ROR2: variants seen among roughly 807,000 people sequenced by gnomAD.
ROR2 encodes tyrosine-protein kinase transmembrane receptor ROR2.
In ROR2, 33 loss-of-function variants were observed where a neutral mutation model predicts 74.9. That is an observed-to-expected ratio of 0.44 (90% confidence interval 0.33 to 0.59). ROR2 has a LOEUF of 0.59. ROR2 is among the 20% of genes least tolerant of loss of function. The pLI is 0.02. For synonymous variants in ROR2, 586 were observed against 558.7 expected (o/e 1.05, Z -0.69); for missense variants, 1,216 against 1,313.8 (o/e 0.93, Z 1.15).
intron 1 of ROR2, among the ~76,000 whole-genome samples, chr9:91,912,385 T>A (rs1831017331): frequency 6.6e-6 from 1 of 152,212 alleles, no homozygotes; most frequent in Admixed American, 6.5e-5. Flanking sequence ...AGAATTGTAA[T>A]GTTTCCCACA....
chr9:91,880,433 C>CA (rs1005516976), intron 1 of ROR2, among the ~76,000 whole-genome samples: 1 of 152,126 alleles, frequency 6.6e-6, no homozygotes, highest in Admixed American at 6.5e-5. Context: ...ATAGATATTC[C>CA]AAAGCAGGAT....
At chr9:91,930,137 T>A (rs1454426109) in intron 1 of ROR2, among the ~76,000 whole-genome samples, 3 of 152,132 alleles carry the variant, frequency 2.0e-5, no homozygotes, top group Non-Finnish European at 2.9e-5. Context: ...AAAGCAGAGA[T>A]TCTCAACTCT....
chr9:91,805,166 G>C (rs1411523813), intron 1 of ROR2, among the ~76,000 whole-genome samples: 1 of 152,200 alleles, frequency 6.6e-6, no homozygotes, highest in Non-Finnish European at 1.5e-5. Context: ...TGCACATAAG[G>C]TCATGCAGAA....
intron 1 of ROR2, among the ~76,000 whole-genome samples, chr9:91,907,683 A>G (rs1830855338): frequency 6.6e-6 from 1 of 152,172 alleles, no homozygotes; most frequent in Non-Finnish European, 1.5e-5. Context: ...TGGCTTCCCA[A>G]ATTCCTGAGA....
At chr9:91,946,558 T>C (rs1832018587) in intron 1 of ROR2, among the ~76,000 whole-genome samples, 1 of 152,240 alleles carries the variant, frequency 6.6e-6, no homozygotes, top group African/African-American at 2.4e-5. Flanking sequence ...GGAACCATTT[T>C]AGAAGATGGT....
intron 1 of ROR2, among the ~76,000 whole-genome samples, chr9:91,854,224 T>G (rs1341220665): frequency 1.3e-5 from 2 of 152,172 alleles, no homozygotes; most frequent in East Asian, 3.9e-4. Context: ...AGCAGGGGGA[T>G]GCACTGGCTC....
chr9:91,897,659 GGGCTGAGGACA>G (rs1385452528), intron 1 of ROR2, among the ~76,000 whole-genome samples: 1 of 152,138 alleles, frequency 6.6e-6, no homozygotes, highest in African/African-American at 2.4e-5. Context: ...GAAGACAGGT[GGGCTGAGGACA>G]GGCTTCCAGG....
intron 1 of ROR2, among the ~76,000 whole-genome samples, chr9:91,857,662 C>A (rs919413204): frequency 6.6e-6 from 1 of 152,066 alleles, no homozygotes; most frequent in African/African-American, 2.4e-5. Flanking sequence ...CGGAGGCAGG[C>A]CCCTGTCTTC....
chr9:91,844,223 T>TGCCTGGTGG (rs1442285899), intron 1 of ROR2, among the ~76,000 whole-genome samples: 3 of 152,218 alleles, frequency 2.0e-5, no homozygotes, highest in Non-Finnish European at 4.4e-5. Flanking sequence ...TTTAAACTGC[T>TGCCTGGTGG]GCCTGGTGGC....
At position 91,723,143 on chromosome 9, in the gene ROR2, A is replaced by AAT. The variant is rs1836856270; in HGVS notation, c.*517_*518dup. 6.2e-6 allele frequency: 1 copy of AAT among 160,386 alleles called. No homozygotes were observed. Among genetic ancestry groups the AAT allele is most frequent in the South Asian group, 1.9e-4 (1 of 5,352 alleles). The allele number at this position is 160,386 out of a possible 1,614,324, so 9.9% of individuals were successfully genotyped here. ...GCAGAGGGCAGCCTCCGTTCCAGCG[A>AAT]ATCTTTGGCTGCTAAAGGGAGAATA... On this transcript the variant is annotated 3_prime_UTR_variant, in exon 9 of 9. Transcript: ENST00000375708.
intron 1 of ROR2, among the ~76,000 whole-genome samples, chr9:91,917,643 C>G (rs959051803): frequency 5.9e-5 from 9 of 152,236 alleles, no homozygotes; most frequent in African/African-American, 2.2e-4. Flanking sequence ...GCAGGCTGAG[C>G]ACAGCAACGG....
chr9:91,900,043 G>A (rs192519092), intron 1 of ROR2, among the ~76,000 whole-genome samples: 2 of 152,314 alleles, frequency 1.3e-5, no homozygotes, highest in African/African-American at 4.8e-5. Flanking sequence ...AGTACCTAGA[G>A]ACCAAAAGAA....
At chr9:91,787,401 C>T (rs529449751) in intron 1 of ROR2, among the ~76,000 whole-genome samples, 1 of 152,248 alleles carries the variant, frequency 6.6e-6, no homozygotes, top group East Asian at 1.9e-4. Flanking sequence ...ATCCCAGCTA[C>T]TCAGGAGGCT....
intron 1 of ROR2, among the ~76,000 whole-genome samples, chr9:91,810,891 G>A (rs761365138): frequency 2.6e-5 from 4 of 152,244 alleles, no homozygotes; most frequent in Non-Finnish European, 5.9e-5. Context: ...CTCTCATGCT[G>A]CACAGAGGCT....
Position 91,733,058 on chromosome 9 carries a change from C to T in ROR2, c.937+64G>A. The T allele has an allele frequency of 6.8e-7, 1 of 1,468,652 alleles. No homozygotes were observed. Among genetic ancestry groups the T allele is most frequent in the African/African-American group, 1.4e-5 (1 of 71,652 alleles). 91.0% of individuals were successfully genotyped at this position (1,468,652 alleles called of 1,614,324 possible). On this transcript the variant is annotated intron_variant, in intron 6 of 8. Transcript: ENST00000375708. This position sits in a 1 kb window ranked among gnomAD's most constrained non-coding sequence, Gnocchi z 5.7. ...CCTGGGCTTCACCGACACCCCCATA[C>T]ACATTTCAAGGGCCCTACACTCCCT...
At chr9:91,756,242 C>A in intron 3 of ROR2, 141 bp from the exon 4 acceptor site, 2 of 763,452 alleles carry the variant, frequency 2.6e-6, no homozygotes, top group South Asian at 1.5e-5. Context: ...AGGCTCCACT[C>A]GTGATTACGT....
At chr9:91,799,912 A>G (rs1476747438) in intron 1 of ROR2, among the ~76,000 whole-genome samples, 1 of 152,242 alleles carries the variant, frequency 6.6e-6, no homozygotes, top group African/African-American at 2.4e-5. Flanking sequence ...GTGCGTGGCC[A>G]GGGTCCACCA....
intron 1 of ROR2, among the ~76,000 whole-genome samples, chr9:91,896,373 C>A (rs1190909504): frequency 1.3e-5 from 2 of 152,198 alleles, no homozygotes; most frequent in African/African-American, 4.8e-5. Context: ...TTCAGAAACA[C>A]CACTTTAAAA....
intron 1 of ROR2, among the ~76,000 whole-genome samples, chr9:91,863,321 A>G (rs1468746748): frequency 6.6e-6 from 1 of 152,226 alleles, no homozygotes; most frequent in Non-Finnish European, 1.5e-5. Context: ...GGTTAAGCAC[A>G]GAGTTACCAG....
Sources: allele counts gnomAD v4.1 joint callset (sites outside exome capture counted in the v4.1 genomes callset), GRCh38; gene constraint gnomAD v4.1.1; non-coding constraint Gnocchi (gnomAD v3.1); transcripts MANE v1.5; gene names NCBI Gene and HGNC (gene_info 2026-07-23, HGNC 2026-07-21).